Variants in MYL3 observed in about 807,000 individuals in gnomAD.
MYL3 encodes the protein CMLC1.
A neutral mutation model predicts 21.3 loss-of-function variants in MYL3; 11 were observed. The ratio of observed to expected loss-of-function variants is 0.52; its 90% confidence interval spans 0.32 to 0.85. The LOEUF is 0.85. Ranked by LOEUF, MYL3 falls within the 40% of genes least tolerant of loss-of-function variation. The pLI, the probability that MYL3 is intolerant of heterozygous loss-of-function variation, is 0.03. For synonymous variants in MYL3, 88 were observed against 91.6 expected (o/e 0.96, Z 0.22); for missense variants, 206 against 253.3 (o/e 0.81, Z 1.27).
upstream of MYL3, among the ~76,000 whole-genome samples, chr3:46,865,863 T>G (rs920378139): frequency 2.0e-5 from 3 of 152,082 alleles, no homozygotes; most frequent in Non-Finnish European, 2.9e-5. The surrounding 1 kb of genome is among the most constrained non-coding windows in gnomAD (Gnocchi z 4.3). Context: ...CCTCACTCCC[T>G]CATCAGGACC....
upstream of MYL3, among the ~76,000 whole-genome samples, chr3:46,865,566 T>G (rs776986859): frequency 2.0e-5 from 3 of 152,262 alleles, no homozygotes; most frequent in East Asian, 5.8e-4. The surrounding 1 kb of genome is among the most constrained non-coding windows in gnomAD (Gnocchi z 4.3). Context: ...AGAGGACATA[T>G]ACAGGGCCCT....
intron 1 of MYL3, among the ~76,000 whole-genome samples, chr3:46,869,204 G>A (rs889627676): frequency 6.6e-6 from 1 of 152,074 alleles, no homozygotes; most frequent in Admixed American, 6.5e-5. Context: ...TCTCCCACCA[G>A]CAGCTTCCCA....
chr3:46,879,387 A>G lies in MYL3; in HGVS notation c.-218+2687T>C, dbSNP rs2106939166. ...CCATTAATGTTCTTTTCTCATCACC[A>G]AGGGGGAAAGCAGGGTGGAAGATCA... On this transcript the variant is annotated intron_variant, in intron 1 of 3. Transcript: ENST00000431168. This position sits in a 1 kb window ranked among gnomAD's most constrained non-coding sequence, Gnocchi z 4.7. 2.0e-5 allele frequency among the ~76,000 whole-genome samples: 3 copies of G among 152,298 alleles called. 1 individual carries two copies. In the Middle Eastern group the frequency reaches 0.01, roughly 518 times the overall value.
intron 1 of MYL3, among the ~76,000 whole-genome samples, chr3:46,881,528 G>A (rs907318051): frequency 2.6e-5 from 4 of 152,192 alleles, no homozygotes; most frequent in Non-Finnish European, 2.9e-5. Context: ...TCCGGGGTTG[G>A]GGCTGGGCAA....
chr3:46,858,917 C>G (rs1453191838), intron 4 of MYL3, among the ~76,000 whole-genome samples: 3 of 152,288 alleles, frequency 2.0e-5, no homozygotes, highest in Non-Finnish European at 4.4e-5. Context: ...GCAGCTCCCC[C>G]TTCTTACCCC....
chr3:46,859,417 T>C lies in MYL3; in HGVS notation c.481+58A>G. On this transcript the variant is annotated intron_variant, in intron 4 of 6. Coordinates refer to ENST00000292327, the MANE Select transcript of MYL3 (RefSeq NM_000258.3). This position sits in a 1 kb window ranked among gnomAD's most constrained non-coding sequence, Gnocchi z 4.1. ...GTCACAGGCCTGGGGGGCAACAGAG[T>C]GGTTTCTCCCAGGATGTCCCTGGAA... The C allele has an allele frequency of 6.2e-7, 1 of 1,607,852 alleles. No homozygotes were observed.
upstream of MYL3, among the ~76,000 whole-genome samples, chr3:46,868,306 C>T (rs2106920287): frequency 6.6e-6 from 1 of 152,296 alleles, no homozygotes; most frequent in Non-Finnish European, 1.5e-5. Flanking sequence ...CACTGTGATT[C>T]CAGGTTCAGA....
rs546437251 is a variant in MYL3 at position 46,859,450 on chromosome 3, G to A, written c.481+25C>T. 4 of 1,613,760 alleles carry A rather than the reference G, an allele frequency of 2.5e-6. No homozygotes were observed. The South Asian group carries it at 3.3e-5, about 13-fold the overall frequency. ...CCCAGGATGTCCCTGGAAGGAGTTG[G>A]GGTAGGGGAGGAGGCTGCCCTCACC... is the stretch of plus-strand genomic sequence containing the variant. On this transcript the variant is annotated intron_variant, in intron 4 of 6. Coordinates refer to ENST00000292327, the MANE Select transcript of MYL3 (RefSeq NM_000258.3). The surrounding 1 kb of genome is among the most constrained non-coding windows in gnomAD (Gnocchi z 4.1).
In MYL3 at chr3:46,874,872, G is replaced by T. The variant is rs1158954677; in HGVS notation, c.-218+7202C>A. 2.0e-5 allele frequency among the ~76,000 whole-genome samples: 3 copies of T among 152,114 alleles called. No homozygotes were observed. Among genetic ancestry groups the T allele is most frequent in the African/African-American group, 7.2e-5 (3 of 41,416 alleles). The stretch of plus-strand genomic sequence containing the variant: ...AACCAGTGTCCCCAGTGGCTGGCCA[G>T]GTTGCCCGGGCATGTGGGGGCACTG... On this transcript the variant is annotated intron_variant, in intron 1 of 3. Transcript: ENST00000431168. This position sits in a 1 kb window ranked among gnomAD's most constrained non-coding sequence, Gnocchi z 4.1.
chr3:46,876,589 C>T (rs2030232732), intron 1 of MYL3, among the ~76,000 whole-genome samples: 1 of 152,172 alleles, frequency 6.6e-6, no homozygotes, highest in Non-Finnish European at 1.5e-5. Context: ...AGCCTGCCTC[C>T]CTGACTAACT....
intron 1 of MYL3, among the ~76,000 whole-genome samples, chr3:46,875,959 C>T (rs2030187547): frequency 6.6e-6 from 1 of 152,256 alleles, no homozygotes; most frequent in Non-Finnish European, 1.5e-5. Context: ...CTTCCTGTCC[C>T]CGGAGCTGAG....
Position 46,863,403 on chromosome 3 carries a change from G to T in MYL3, c.-13C>A. 6.2e-7 allele frequency: 1 copy of T among 1,612,790 alleles called. No homozygotes were observed. The highest frequency in any genetic ancestry group is 8.5e-7 in the Non-Finnish European group (1 of 1,179,896). ...TTTTGGGGGCCATTGGGGGCTGTAA[G>T]TACAGAGAGGGATGTGGAGAGAAGA... On this transcript the variant is annotated 5_prime_UTR_variant, in exon 1 of 7. Coordinates refer to ENST00000292327, the MANE Select transcript of MYL3 (RefSeq NM_000258.3).
rs1701957819 is a variant in MYL3 at position 46,858,549 on chromosome 3, TC to T, written c.482-89del. 5.4e-6 allele frequency: 7 copies of T among 1,291,776 alleles called. No homozygotes were observed. The African/African-American group carries it at 5.8e-5, about 11-fold the overall frequency. The allele number at this position is 1,291,776 out of a possible 1,614,324, so 80.0% of individuals were successfully genotyped here. A position where few individuals can be genotyped will look rare whatever the true frequency, so the allele number is the denominator to read the frequency against. On this transcript the variant is annotated intron_variant, in intron 4 of 6. Transcript: ENST00000292327. ...CCACTGAATCCCTCTAGATGGTGGC[TC>T]AACCTCTCCAGTATTCCCACAACCA...
chr3:46,869,528 G>A (rs1175497547), intron 1 of MYL3, among the ~76,000 whole-genome samples: 3 of 152,230 alleles, frequency 2.0e-5, no homozygotes, highest in South Asian at 2.1e-4. Context: ...ACTGCCACAC[G>A]AGGTGTGAAC....
chr3:46,869,322 T>C (rs1335004546), intron 1 of MYL3, among the ~76,000 whole-genome samples: 2 of 152,096 alleles, frequency 1.3e-5, no homozygotes, highest in African/African-American at 4.8e-5. Context: ...CGGCCTGAAA[T>C]GACCAGAAGC....
intron 1 of MYL3, among the ~76,000 whole-genome samples, chr3:46,875,852 G>A (rs554118789): frequency 6.6e-6 from 1 of 152,350 alleles, no homozygotes; most frequent in South Asian, 2.1e-4. Flanking sequence ...ATGGGAGCCT[G>A]TTGAGCTCGG....
intron 4 of MYL3, 134 bp from the exon 5 acceptor site, chr3:46,858,595 G>C (rs968599917): frequency 3.5e-6 from 3 of 860,612 alleles, no homozygotes; most frequent in Admixed American, 4.0e-5. Flanking sequence ...ACAAGACCTT[G>C]GCCATCACCC....
chr3:46,858,026 C>T lies in MYL3; in HGVS notation c.*89G>A, dbSNP rs1042973. The T allele has an allele frequency of 0.16, 102,192 of 640,720 alleles. 11,027 individuals are homozygous for T. Among genetic ancestry groups the T allele is most frequent in the South Asian group, 0.37 (20,001 of 53,974 alleles). 39.7% of individuals were successfully genotyped at this position (640,720 alleles called of 1,614,324 possible). Reference sequence around the variant, plus strand: ...GAGTCTTGGTAAGGCTCCCCTCCTTCCCACGACTCCAGGCCGCTGGTGTCA... The same window carrying T: ...GAGTCTTGGTAAGGCTCCCCTCCTTTCCACGACTCCAGGCCGCTGGTGTCA... On this transcript the variant is annotated 3_prime_UTR_variant, in exon 7 of 7. Coordinates refer to ENST00000292327, the MANE Select transcript of MYL3 (RefSeq NM_000258.3).
rs567722808 is a variant in MYL3, at chr3:46,878,742, G to A, written c.-218+3332C>T. Among the ~76,000 whole-genome samples the A allele has an allele frequency of 1.2e-3, 180 of 152,222 alleles. 1 individual carries two copies. The highest frequency in any genetic ancestry group is 3.8e-3 in the African/African-American group (156 of 41,558). On this transcript the variant is annotated intron_variant, in intron 1 of 3. Coordinates refer to the MYL3 transcript ENST00000431168. Reference sequence around the variant, plus strand: ...GTACCTTGGCCAGAGCCCTACTCACGGTGGGATGGCTGCAGCAGAGGCCTG... The same window carrying A: ...GTACCTTGGCCAGAGCCCTACTCACAGTGGGATGGCTGCAGCAGAGGCCTG...
Sources: gnomAD v4.1 joint callset for allele counts (sites outside exome capture counted in the v4.1 genomes callset) on GRCh38, gnomAD v4.1.1 for gene constraint, Gnocchi (gnomAD v3.1) non-coding constraint, MANE v1.5 for transcripts, NCBI Gene and HGNC (gene_info 2026-07-23, HGNC 2026-07-21) for gene names.